CELF4: variants seen among roughly 807,000 people sequenced by gnomAD.
CELF4 encodes CUGBP Elav-like family member 4.
CELF4 carries 18 observed loss-of-function variants against 59.9 expected under a neutral mutation model. The ratio of observed to expected loss-of-function variants is 0.30; its 90% CI spans 0.21 to 0.45. The LOEUF (loss-of-function observed/expected upper bound fraction) is 0.45, where lower values mean the gene tolerates loss of function less well. CELF4 is among the 20% of genes least tolerant of loss of function. CELF4 has a pLI of 1.00. For synonymous variants in CELF4, 261 were observed against 267.1 expected (o/e 0.98, Z 0.22); for missense variants, 456 against 689.0 (o/e 0.66, Z 3.79).
At position 37,565,559 on chromosome 18, in the gene CELF4, C is replaced by T; in HGVS notation, c.83G>A (p.Gly28Asp). The T allele has an allele frequency of 1.2e-6, 2 of 1,614,102 alleles. No homozygotes were observed. Among genetic ancestry groups the T allele is most frequent in the East Asian group, 4.5e-5 (2 of 44,876 alleles). ...LSTNGLGSSP[G>D]SAGHMNGLSH... ...TAATCCGTTCATGTGCCCGGCACTG[C>T]CCGGGCTGCTGCCGAGCCCGTTGGT... Residue 28 changes from glycine to aspartate, a missense_variant, in exon 1 of 13, where the codon GGC becomes GAC. By Grantham distance (94) the Gly-to-Asp change is moderately conservative. Around this residue, in one of 7 missense-constraint regions of CELF4, gnomAD observed 70 missense variants for 69.5 expected, o/e 1.01. Transcript: ENST00000420428.
At chr18:37,389,921 G>A (rs2099140033) in intron 2 of CELF4, among the ~76,000 whole-genome samples, 1 of 152,218 alleles carries the variant, frequency 6.6e-6, no homozygotes, top group Non-Finnish European at 1.5e-5. Context: ...AAGCAGTCTG[G>A]ACTCCTCACG....
At chr18:37,494,007 A>G (rs1296826624) in intron 1 of CELF4, among the ~76,000 whole-genome samples, 3 of 152,130 alleles carry the variant, frequency 2.0e-5, no homozygotes, top group Admixed American at 6.5e-5. Context: ...GATTTTCCTC[A>G]AGCTAGATTT....
At chr18:37,555,607 G>A (rs911138249) in intron 1 of CELF4, among the ~76,000 whole-genome samples, 3 of 152,186 alleles carry the variant, frequency 2.0e-5, no homozygotes, top group Non-Finnish European at 4.4e-5. Context: ...CATCAACAGC[G>A]ACATGATACA....
At chr18:37,542,836 C>T (rs544211174) in intron 1 of CELF4, among the ~76,000 whole-genome samples, 38 of 152,270 alleles carry the variant, frequency 2.5e-4, no homozygotes, top group Middle Eastern at 3.4e-3. Context: ...GGTTAGGAGA[C>T]GCTCCAAGCT....
rs144068939 is a variant in CELF4, at chr18:37,390,803, G to GGAGC, written c.370-68923_370-68922insGCTC. On this transcript the variant is annotated intron_variant, in intron 2 of 12. Transcript: ENST00000420428. ...GGAAGGCTGGTGGTGGTGATGGGGCGGGGAGGGGGGGCAGTGCTGCTGGCC... is the reference window on the plus strand; with the variant it reads ...GGAAGGCTGGTGGTGGTGATGGGGCGGAGCGGGAGGGGGGGCAGTGCTGCTGGCC... 1.2e-3 allele frequency among the ~76,000 whole-genome samples: 56 copies of GGAGC among 47,370 alleles called. 1 individual carries two copies. The highest frequency in any genetic ancestry group is 3.9e-3 in the African/African-American group (55 of 14,128). 31.1% of individuals were successfully genotyped at this position (47,370 alleles called of 152,430 possible). A position where few individuals can be genotyped will look rare whatever the true frequency, so the allele number is the denominator to read the frequency against.
At chr18:37,467,931 C>T (rs1429744560) in intron 2 of CELF4, among the ~76,000 whole-genome samples, 1 of 152,198 alleles carries the variant, frequency 6.6e-6, no homozygotes, top group Non-Finnish European at 1.5e-5. Flanking sequence ...CTGTTATGTA[C>T]ACATACTTTT....
At chr18:37,519,898 T>C (rs1234034110) in intron 1 of CELF4, among the ~76,000 whole-genome samples, 1 of 152,188 alleles carries the variant, frequency 6.6e-6, no homozygotes, top group African/African-American at 2.4e-5. Flanking sequence ...GAAAAGGGAC[T>C]GGAATGACAG....
intron 2 of CELF4, among the ~76,000 whole-genome samples, chr18:37,422,405 A>C (rs1370528800): frequency 1.3e-5 from 2 of 152,218 alleles, no homozygotes; most frequent in Non-Finnish European, 2.9e-5. Context: ...ATTGGCTCCC[A>C]GCTCCCCTCC....
intron 12 of CELF4, among the ~76,000 whole-genome samples, chr18:37,252,020 C>T (rs2065814445): frequency 6.6e-6 from 1 of 152,102 alleles, no homozygotes; most frequent in African/African-American, 2.4e-5. Flanking sequence ...CACAAGCACT[C>T]CCCCAGAGAG....
chr18:37,383,253 G>A (rs1465772442), intron 2 of CELF4, among the ~76,000 whole-genome samples: 1 of 152,148 alleles, frequency 6.6e-6, no homozygotes, highest in African/African-American at 2.4e-5. Flanking sequence ...AGGCAGAGCA[G>A]CGGCCACTGG....
chr18:37,364,529 C>T (rs753359163), intron 2 of CELF4, among the ~76,000 whole-genome samples: 1 of 152,142 alleles, frequency 6.6e-6, no homozygotes, highest in Non-Finnish European at 1.5e-5. Context: ...GGTCTAGAGG[C>T]ATGGCTGTGG....
At chr18:37,260,390 A>T (rs1444248395) in intron 10 of CELF4, among the ~76,000 whole-genome samples, 1 of 152,242 alleles carries the variant, frequency 6.6e-6, no homozygotes, top group Non-Finnish European at 1.5e-5. Context: ...GCCACATATA[A>T]TTTCATCTTT....
At chr18:37,449,061 A>G (rs949608068) in intron 2 of CELF4, among the ~76,000 whole-genome samples, 3 of 152,202 alleles carry the variant, frequency 2.0e-5, no homozygotes, top group Non-Finnish European at 4.4e-5. Flanking sequence ...AGGGAGATGA[A>G]ATGACTTGCT....
At chr18:37,441,626 C>G (rs188116951) in intron 2 of CELF4, among the ~76,000 whole-genome samples, 1 of 152,250 alleles carries the variant, frequency 6.6e-6, no homozygotes, top group East Asian at 1.9e-4. Flanking sequence ...TATCTTGAGT[C>G]AGACCATCTG....
intron 6 of CELF4, 75 bp downstream of exon 6, chr18:37,274,236 G>A: frequency 6.3e-7 from 1 of 1,583,382 alleles, no homozygotes; most frequent in Non-Finnish European, 8.6e-7. Context: ...TAGTATTTTC[G>A]GTTTCATGTC....
intron 2 of CELF4, among the ~76,000 whole-genome samples, chr18:37,444,617 TACACACACACACAC>T (rs61248144): frequency 1.3e-4 from 17 of 134,252 alleles, no homozygotes; most frequent in Non-Finnish European, 2.3e-4. Context: ...CTAGCATGCA[TACACACACACACAC>T]ACACACACAC....
chr18:37,486,354 C>A (rs567953220), intron 1 of CELF4, among the ~76,000 whole-genome samples: 5 of 152,206 alleles, frequency 3.3e-5, no homozygotes, highest in Non-Finnish European at 7.3e-5. Flanking sequence ...ACTGAGAAGG[C>A]TCAGTCTAGC....
chr18:37,280,696 G>A (rs909753388), intron 3 of CELF4, among the ~76,000 whole-genome samples: 1 of 152,164 alleles, frequency 6.6e-6, no homozygotes, highest in East Asian at 1.9e-4. Flanking sequence ...GTGGAGGGAC[G>A]CCTTCGGCTG....
chr18:37,463,249 A>G (rs2154602241), intron 2 of CELF4, among the ~76,000 whole-genome samples: 1 of 152,268 alleles, frequency 6.6e-6, no homozygotes, highest in African/African-American at 2.4e-5. Flanking sequence ...GCTTTGTGTG[A>G]CTGAGCCTCA....
Sources: allele counts gnomAD v4.1 joint callset (sites outside exome capture counted in the v4.1 genomes callset), GRCh38; gene constraint gnomAD v4.1.1; regional missense constraint gnomAD v4.1.1; transcripts MANE v1.5; gene names NCBI Gene and HGNC (gene_info 2026-07-23, HGNC 2026-07-21).